The following AGBL4 variants were observed in gnomAD, a reference collection of about 807,000 sequenced individuals.
The protein encoded by AGBL4 is cytosolic carboxypeptidase 6.
A neutral mutation model predicts 66.4 loss-of-function variants in AGBL4; 58 were observed. The ratio of observed to expected loss-of-function variants is 0.87; its 90% CI spans 0.71 to 1.09. The LOEUF is 1.09. Ranked by LOEUF, AGBL4 falls within the 50% of genes least tolerant of loss-of-function variation. The probability of loss-of-function intolerance (pLI) is 0.00; values close to 1 mark genes in which losing one functional copy is unlikely to be tolerated. For synonymous variants in AGBL4, 234 were observed against 222.9 expected, an observed-to-expected ratio of 1.05 and a Z score of -0.44; for missense variants, 579 against 631.0, an observed-to-expected ratio of 0.92 and a Z score of 0.88.
At chr1:48,567,213 G>A (rs2148308900) in intron 11 of AGBL4, among the ~76,000 whole-genome samples, 1 of 152,302 alleles carries the variant, frequency 6.6e-6, no homozygotes, top group South Asian at 2.1e-4. Flanking sequence ...GTGTATGTCA[G>A]AGCACCTGTA....
chr1:49,232,139 T>C (rs1166281912), intron 4 of AGBL4, among the ~76,000 whole-genome samples: 3 of 152,146 alleles, frequency 2.0e-5, no homozygotes, highest in African/African-American at 7.2e-5. Flanking sequence ...GAAAATGTTC[T>C]AAAATTAATT....
At chr1:49,784,801 AAT>A (rs1644414001) in intron 2 of AGBL4, among the ~76,000 whole-genome samples, 1 of 152,064 alleles carries the variant, frequency 6.6e-6, no homozygotes, top group African/African-American at 2.4e-5. Context: ...CCCAATAAAA[AAT>A]AAAAAATATA....
chr1:49,288,726 C>G (rs961314903), intron 3 of AGBL4, among the ~76,000 whole-genome samples: 3 of 152,100 alleles, frequency 2.0e-5, no homozygotes, highest in Admixed American at 6.5e-5. Context: ...GTGGTAAATA[C>G]CCAATACTGT....
At chr1:48,848,387 G>A (rs1558037675) in intron 6 of AGBL4, among the ~76,000 whole-genome samples, 1 of 152,122 alleles carries the variant, frequency 6.6e-6, no homozygotes, top group Admixed American at 6.5e-5. Flanking sequence ...GCTTTAATGA[G>A]TACATCAGTT....
intron 3 of AGBL4, among the ~76,000 whole-genome samples, chr1:49,431,758 C>T (rs1031991390): frequency 2.6e-5 from 4 of 151,834 alleles, no homozygotes; most frequent in Admixed American, 1.3e-4. Context: ...TTTACATCTG[C>T]TATTAAACTT....
intron 4 of AGBL4, among the ~76,000 whole-genome samples, chr1:49,166,403 A>G (rs547648007): frequency 5.3e-5 from 8 of 152,196 alleles, no homozygotes; most frequent in African/African-American, 1.4e-4. Context: ...CAAATCATGC[A>G]CTCCAAAGTC....
chr1:49,103,910 G>A (rs978751305), intron 4 of AGBL4, among the ~76,000 whole-genome samples: 2 of 151,884 alleles, frequency 1.3e-5, no homozygotes, highest in African/African-American at 4.8e-5. Context: ...AAATTGTGTC[G>A]ACTCTTTATT....
chr1:49,665,002 A>G (rs1262310271), intron 3 of AGBL4, among the ~76,000 whole-genome samples: 2 of 152,156 alleles, frequency 1.3e-5, no homozygotes, highest in Admixed American at 1.3e-4. Flanking sequence ...GTGATTTGGA[A>G]ACCTTAGTAA....
chr1:48,534,083 C>T lies in AGBL4; in HGVS notation c.*90G>A. 6.5e-7 allele frequency: 1 copy of T among 1,535,072 alleles called. No individual in the cohort carries two copies. Among genetic ancestry groups the T allele is most frequent in the East Asian group, 2.5e-5 (1 of 40,766 alleles). ...CTAGCCTATGCATTAATCCACAAATCCTTGGAAGCTAGAGAAGAGTGATTA... is the reference window on the plus strand; with the variant it reads ...CTAGCCTATGCATTAATCCACAAATTCTTGGAAGCTAGAGAAGAGTGATTA... On this transcript the variant is annotated 3_prime_UTR_variant, in exon 14 of 14. Transcript: ENST00000371839.
chr1:49,765,392 T>C (rs1482064099), intron 2 of AGBL4, among the ~76,000 whole-genome samples: 4 of 151,896 alleles, frequency 2.6e-5, no homozygotes, highest in Non-Finnish European at 5.9e-5. Flanking sequence ...ACGGTCACAC[T>C]CCTAGGGAGG....
chr1:48,744,675 A>G (rs1557934953), intron 6 of AGBL4, among the ~76,000 whole-genome samples: 2 of 152,218 alleles, frequency 1.3e-5, no homozygotes, highest in African/African-American at 2.4e-5. Context: ...ATCCATCTCT[A>G]TAAAGGCCAT....
intron 3 of AGBL4, among the ~76,000 whole-genome samples, chr1:49,409,149 G>GCTCTCTCTCTCTCTCT (rs373757168): frequency 0.012 from 1,724 of 146,042 alleles, 10 homozygotes; most frequent in Non-Finnish European, 0.016. Context: ...ACTCTCTCTG[G>GCTCTCTCTCTCTCTCT]CTCTCTCTCT....
intron 3 of AGBL4, among the ~76,000 whole-genome samples, chr1:49,511,651 A>G (rs369889407): frequency 6.6e-6 from 1 of 151,484 alleles, no homozygotes. Flanking sequence ...TTAGCTTGGC[A>G]TTTTCTCCCC....
rs527898310 is a variant in AGBL4 at position 49,305,040 on chromosome 1, T to C, written c.283-59176A>G. On this transcript the variant is annotated intron_variant, in intron 3 of 13. Coordinates refer to ENST00000371839, the MANE Select transcript of AGBL4 (RefSeq NM_032785.4). The stretch of plus-strand genomic sequence containing the variant: ...CAATGCTGTAAAATAAGAATTACTG[T>C]CTTTACAGAATAGAAAACTGAGGCC... Among the ~76,000 whole-genome samples, 4 of 152,288 alleles carry C rather than the reference T, an allele frequency of 2.6e-5. No homozygotes were observed. In the South Asian group the frequency reaches 8.3e-4, roughly 32 times the overall value.
chr1:49,490,463 T>A (rs1647166128), intron 3 of AGBL4, among the ~76,000 whole-genome samples: 1 of 151,776 alleles, frequency 6.6e-6, no homozygotes, highest in South Asian at 2.1e-4. Flanking sequence ...TTTTCATCAA[T>A]ATTCATAAAA....
intron 3 of AGBL4, among the ~76,000 whole-genome samples, chr1:49,429,642 A>G (rs892919471): frequency 1.4e-4 from 21 of 152,092 alleles, no homozygotes; most frequent in African/African-American, 4.6e-4. Flanking sequence ...TTCTCCCTAC[A>G]TGATTTTTTA....
At chr1:49,633,821 G>A (rs1044037508) in intron 3 of AGBL4, among the ~76,000 whole-genome samples, 11 of 147,770 alleles carry the variant, frequency 7.4e-5, no homozygotes, top group African/African-American at 2.5e-4. Context: ...TTATATAGTA[G>A]TATATATTAC....
At chr1:48,575,431 A>C (rs1644637262) in intron 11 of AGBL4, among the ~76,000 whole-genome samples, 1 of 152,174 alleles carries the variant, frequency 6.6e-6, no homozygotes, top group African/African-American at 2.4e-5. Flanking sequence ...ATGTTCACCT[A>C]TCTCCAACTG....
intron 4 of AGBL4, among the ~76,000 whole-genome samples, chr1:49,135,476 A>G (rs1212794062): frequency 6.6e-6 from 1 of 152,154 alleles, no homozygotes; most frequent in East Asian, 1.9e-4. Context: ...GTGGGAAATC[A>G]GGGGTCTCAC....
Sources: allele counts gnomAD v4.1 joint callset (sites outside exome capture counted in the v4.1 genomes callset), GRCh38; gene constraint gnomAD v4.1.1; transcripts MANE v1.5; gene names NCBI Gene and HGNC (gene_info 2026-07-23, HGNC 2026-07-21).